SPTAN1: variants seen among roughly 807,000 people sequenced by gnomAD.
The protein encoded by SPTAN1 is spectrin alpha chain, non-erythrocytic 1.
In SPTAN1, 61 loss-of-function variants were observed where a neutral mutation model predicts 331.3. The ratio of observed to expected loss-of-function variants is 0.18; its 90% CI spans 0.15 to 0.23. The LOEUF is 0.23. SPTAN1 is among the 10% of genes least tolerant of loss of function. The probability of loss-of-function intolerance (pLI) is 1.00; values close to 1 mark genes in which losing one functional copy is unlikely to be tolerated. For synonymous variants in SPTAN1, 1,153 were observed against 1,173.9 expected (o/e 0.98, Z 0.36); for missense variants, 2,043 against 3,147.9 (o/e 0.65, Z 8.40).
rs77600182 is a variant in SPTAN1, at chr9:128,563,524, T to C, written c.-3-3214T>C. Among the ~76,000 whole-genome samples, 1,019 of 152,330 alleles carry C rather than the reference T, an allele frequency of 6.7e-3. 10 individuals carry two copies. The highest frequency in any genetic ancestry group is 0.023 in the African/African-American group (948 of 41,574). On this transcript the variant is annotated intron_variant, in intron 1 of 56. Transcript: ENST00000372739. ...AGGTTGACACCTAGTTGTGTAGCTT[T>C]AGTCAGCACATTCTTTATTTGCCAT...
intron 3 of SPTAN1, among the ~76,000 whole-genome samples, chr9:128,573,097 G>A (rs1249811679): frequency 1.3e-5 from 2 of 152,178 alleles, no homozygotes; most frequent in African/African-American, 4.8e-5. Context: ...TTCTGTTAGT[G>A]TTTAAACCGC....
chr9:128,601,909 T>C (rs1392173566), intron 27 of SPTAN1, among the ~76,000 whole-genome samples: 1 of 152,204 alleles, frequency 6.6e-6, no homozygotes, highest in Non-Finnish European at 1.5e-5. Context: ...CCTTTCCTTC[T>C]ATTCAACTTT....
In SPTAN1 at chr9:128,570,720, G is replaced by A. The variant is rs1255852845; in HGVS notation, c.363+1823G>A. ...TGCCCCGGCTGGAGTGGAATGGCAC[G>A]ATCCCGGCTCACTGCAACCTCCACC... On this transcript the variant is annotated intron_variant, in intron 3 of 56. Coordinates refer to ENST00000372739, the MANE Select transcript of SPTAN1 (RefSeq NM_001130438.3). Among the ~76,000 whole-genome samples, 6 of 151,210 alleles carry A rather than the reference G, an allele frequency of 4.0e-5. No individual in the cohort carries two copies. The East Asian group carries it at 5.8e-4, about 15-fold the overall frequency.
chr9:128,630,231 C>A, intron 51 of SPTAN1, 90 bp from the exon 52 acceptor site: 2 of 1,400,562 alleles, frequency 1.4e-6, no homozygotes, highest in Middle Eastern at 1.8e-4. Flanking sequence ...TGTGAGGTTG[C>A]CAGGCATTGC....
intron 19 of SPTAN1, 111 bp downstream of exon 19, chr9:128,586,076 GT>G: frequency 2.3e-6 from 1 of 425,772 alleles, no homozygotes; most frequent in South Asian, 2.6e-5. Flanking sequence ...TACAGTGATT[GT>G]TTTTTAAAAT....
intron 3 of SPTAN1, among the ~76,000 whole-genome samples, chr9:128,573,841 A>C (rs7043450): frequency 0.97 from 147,197 of 152,012 alleles, 71,426 homozygotes; most frequent in Non-Finnish European, 1. Flanking sequence ...GCAAGCTCCA[A>C]CTCCCTGGGG....
chr9:128,627,539 G>C lies in SPTAN1; in HGVS notation c.6689+41G>C. The stretch of plus-strand genomic sequence containing the variant: ...GGCCGGGGAGCAGCAGCATGTCCCT[G>C]CTGTACTTAAGCCCTGGGGAGCTTC... On this transcript the variant is annotated intron_variant, in intron 50 of 56. Transcript: ENST00000372739. The surrounding 1 kb of genome is among the most constrained non-coding windows in gnomAD (Gnocchi z 4.9). 6.6e-7 allele frequency: 1 copy of C among 1,519,096 alleles called. No individual in the cohort carries two copies. 94.1% of individuals were successfully genotyped at this position (1,519,096 alleles called of 1,614,324 possible).
At chr9:128,574,923 A>T in intron 4 of SPTAN1, 108 bp downstream of exon 4, 1 of 1,528,818 alleles carries the variant, frequency 6.5e-7, no homozygotes, top group South Asian at 1.1e-5. Flanking sequence ...GGCCATTTTA[A>T]GTAAAAGGGT....
chr9:128,591,930 C>A (rs112366038), intron 22 of SPTAN1, among the ~76,000 whole-genome samples: 2 of 152,174 alleles, frequency 1.3e-5, no homozygotes, highest in African/African-American at 4.8e-5. Context: ...AGATACTCTA[C>A]GCCCCTACAG....
At chr9:128,576,683 G>C in intron 5 of SPTAN1, 140 bp from the exon 6 acceptor site, 1 of 1,138,000 alleles carries the variant, frequency 8.8e-7, no homozygotes, top group Non-Finnish European at 1.3e-6. Context: ...AGTTCACTTT[G>C]TATCATGTTG....
intron 42 of SPTAN1, 68 bp downstream of exon 42, chr9:128,617,828 C>G (rs1857363037): frequency 6.2e-7 from 1 of 1,612,010 alleles, no homozygotes; most frequent in South Asian, 1.1e-5. Flanking sequence ...CAGACAAACC[C>G]CTTGCGCTTA....
chr9:128,591,872 A>G (rs750553315), intron 22 of SPTAN1, among the ~76,000 whole-genome samples: 3 of 151,982 alleles, frequency 2.0e-5, no homozygotes, highest in Non-Finnish European at 4.4e-5. Flanking sequence ...TTTTCTAATC[A>G]TTGCCATTTG....
rs1426496920 is a variant in SPTAN1, at chr9:128,627,751, C to T, written c.6690-174C>T. On this transcript the variant is annotated intron_variant, in intron 50 of 56. Coordinates refer to ENST00000372739, the MANE Select transcript of SPTAN1 (RefSeq NM_001130438.3). The surrounding 1 kb of genome is among the most constrained non-coding windows in gnomAD (Gnocchi z 4.9). ...GGATTGAGTGGGACCATGCAGGGCGCGTGGTCAGCCCCAGCCATGACTTGG... is the reference window on the plus strand; with the variant it reads ...GGATTGAGTGGGACCATGCAGGGCGTGTGGTCAGCCCCAGCCATGACTTGG... 15 of 877,902 alleles carry T rather than the reference C, an allele frequency of 1.7e-5. No homozygotes were observed. The highest frequency in any genetic ancestry group is 9.6e-5 in the East Asian group (4 of 41,640). The allele number at this position is 877,902 out of a possible 1,614,324, so 54.4% of individuals were successfully genotyped here.
intron 45 of SPTAN1, chr9:128,622,027 T>G (rs887169110): frequency 1.3e-5 from 2 of 152,874 alleles, no homozygotes; most frequent in African/African-American, 4.8e-5. Context: ...GAGGTTGCAC[T>G]CAGCAGTCAT....
chr9:128,575,440 C>T (rs530861133), intron 5 of SPTAN1, 95 bp downstream of exon 5: 200 of 1,407,332 alleles, frequency 1.4e-4, no homozygotes, highest in Non-Finnish European at 1.9e-4. Context: ...CCCCTAATTT[C>T]TGAGTGAGCA....
intron 3 of SPTAN1, among the ~76,000 whole-genome samples, chr9:128,569,582 A>C (rs1045228664): frequency 1.3e-5 from 2 of 151,072 alleles, no homozygotes; most frequent in African/African-American, 4.9e-5. Context: ...GTTTCTTATA[A>C]CTGGATGTAC....
chr9:128,613,553 C>A, intron 40 of SPTAN1, 68 bp downstream of exon 40: 1 of 1,321,716 alleles, frequency 7.6e-7, no homozygotes, highest in Non-Finnish European at 1.1e-6. Context: ...CTAAGGAAAA[C>A]AAGCGTGTTT....
intron 10 of SPTAN1, among the ~76,000 whole-genome samples, chr9:128,580,316 TATATATAC>T (rs1435033508): frequency 6.6e-6 from 1 of 150,788 alleles, no homozygotes; most frequent in South Asian, 2.1e-4. Context: ...AAAATATGTA[TATATATAC>T]ATATTTTATT....
At chr9:128,553,027 G>A (rs1408835296) in intron 1 of SPTAN1, 3 of 152,346 alleles carry the variant, frequency 2.0e-5, no homozygotes, top group Non-Finnish European at 4.4e-5. Flanking sequence ...ATCCGGCTGC[G>A]GCAGGTGGGT....
Sources: allele counts gnomAD v4.1 joint callset (sites outside exome capture counted in the v4.1 genomes callset), GRCh38; gene constraint gnomAD v4.1.1; non-coding constraint Gnocchi (gnomAD v3.1); transcripts MANE v1.5; gene names NCBI Gene and HGNC (gene_info 2026-07-23, HGNC 2026-07-21).